CNTN4: variants seen among roughly 807,000 people sequenced by gnomAD.
The protein encoded by CNTN4 is contactin-4.
CNTN4 carries 77 observed loss-of-function variants against 122.5 expected under a neutral mutation model. The observed-to-expected ratio is 0.63, with a 90% CI of 0.52 to 0.76. CNTN4 has a LOEUF of 0.76. Among genes scored for constraint, CNTN4 ranks in the 30% least tolerant of loss-of-function variants. The probability of loss-of-function intolerance (pLI) is 0.00; values close to 1 mark genes in which losing one functional copy is unlikely to be tolerated. For synonymous variants in CNTN4, 512 were observed against 447.0 expected (o/e 1.15, Z -1.83); for missense variants, 1,256 against 1,259.1 (o/e 1.00, Z 0.04).
At chr3:2,268,918 G>T (rs1482483104) in intron 2 of CNTN4, among the ~76,000 whole-genome samples, 1 of 152,028 alleles carries the variant, frequency 6.6e-6, no homozygotes, top group Admixed American at 6.6e-5. Flanking sequence ...TATATGTGGG[G>T]AGAAGGAATT....
At chr3:3,041,562 G>C (rs1012110996) in intron 20 of CNTN4, among the ~76,000 whole-genome samples, 1 of 152,196 alleles carries the variant, frequency 6.6e-6, no homozygotes, top group Admixed American at 6.5e-5. Flanking sequence ...GCAAAGGAGA[G>C]GCTAGACTGA....
At chr3:2,542,108 T>C (rs1204395566) in intron 3 of CNTN4, among the ~76,000 whole-genome samples, 1 of 152,116 alleles carries the variant, frequency 6.6e-6, no homozygotes, top group Non-Finnish European at 1.5e-5. Flanking sequence ...GCCACCACAT[T>C]AGAGGCATCA....
At chr3:2,635,172 G>C (rs1174760505) in intron 4 of CNTN4, among the ~76,000 whole-genome samples, 1 of 152,004 alleles carries the variant, frequency 6.6e-6, no homozygotes, top group Non-Finnish European at 1.5e-5. Flanking sequence ...CACCACTCTG[G>C]ATAACTGTTA....
At chr3:2,170,908 G>T (rs1011567478) in intron 2 of CNTN4, among the ~76,000 whole-genome samples, 1 of 152,066 alleles carries the variant, frequency 6.6e-6, no homozygotes, top group East Asian at 1.9e-4. Flanking sequence ...TGAAAAAATG[G>T]TCTATTTTAA....
intron 3 of CNTN4, among the ~76,000 whole-genome samples, chr3:2,531,896 T>A (rs915905246): frequency 2.0e-5 from 3 of 152,198 alleles, no homozygotes; most frequent in Non-Finnish European, 4.4e-5. Context: ...CCTGTGGCAG[T>A]GTTCGCTCTA....
chr3:2,454,949 G>T (rs1028096442), intron 3 of CNTN4, among the ~76,000 whole-genome samples: 1 of 152,158 alleles, frequency 6.6e-6, no homozygotes, highest in African/African-American at 2.4e-5. Context: ...TGGAAGTAGA[G>T]CTAAAAGATA....
chr3:2,366,148 A>G (rs1393849860), intron 3 of CNTN4, among the ~76,000 whole-genome samples: 3 of 152,130 alleles, frequency 2.0e-5, no homozygotes, highest in African/African-American at 4.8e-5. Context: ...TACTTTCTCT[A>G]CTGGCAGCCT....
intron 4 of CNTN4, among the ~76,000 whole-genome samples, chr3:2,587,136 C>A (rs1339778992): frequency 6.6e-6 from 1 of 152,100 alleles, no homozygotes; most frequent in Non-Finnish European, 1.5e-5. Context: ...ATTCCATATA[C>A]ATTATCTTCT....
chr3:2,473,894 C>G (rs1291624503), intron 3 of CNTN4, among the ~76,000 whole-genome samples: 1 of 152,014 alleles, frequency 6.6e-6, no homozygotes, highest in Non-Finnish European at 1.5e-5. Flanking sequence ...TGCCTGTAAT[C>G]TCAGCTACTC....
intron 2 of CNTN4, among the ~76,000 whole-genome samples, chr3:2,188,737 G>C (rs2037389994): frequency 6.6e-6 from 1 of 152,168 alleles, no homozygotes; most frequent in Non-Finnish European, 1.5e-5. Flanking sequence ...TGGGCCTTGG[G>C]GTGGGAAACA....
chr3:2,497,578 T>C (rs953359125), intron 3 of CNTN4, among the ~76,000 whole-genome samples: 4 of 152,178 alleles, frequency 2.6e-5, no homozygotes, highest in Non-Finnish European at 5.9e-5. Flanking sequence ...GAGTTAAGTC[T>C]CATAAGATCC....
intron 8 of CNTN4, among the ~76,000 whole-genome samples, chr3:2,868,679 G>A (rs1057047209): frequency 2.6e-5 from 4 of 152,098 alleles, no homozygotes; most frequent in African/African-American, 9.7e-5. Context: ...CATTTATTTA[G>A]AACTTCCTGT....
At chr3:2,271,907 A>G (rs951001058) in intron 2 of CNTN4, among the ~76,000 whole-genome samples, 3 of 152,184 alleles carry the variant, frequency 2.0e-5, no homozygotes, top group African/African-American at 7.2e-5. Flanking sequence ...GGACCAAGAC[A>G]TTATGCAATG....
chr3:2,283,150 A>C (rs571646926), intron 2 of CNTN4, among the ~76,000 whole-genome samples: 16 of 152,256 alleles, frequency 1.1e-4, no homozygotes, highest in African/African-American at 2.9e-4. Flanking sequence ...CATTACGTGA[A>C]TTTTATCTCT....
chr3:2,774,636 T>C (rs2091242681), intron 6 of CNTN4, among the ~76,000 whole-genome samples: 1 of 152,168 alleles, frequency 6.6e-6, no homozygotes, highest in Admixed American at 6.6e-5. Flanking sequence ...TGGAACTGCA[T>C]ACTAGACCTA....
chr3:2,284,311 T>A (rs2149923781), intron 2 of CNTN4, among the ~76,000 whole-genome samples: 1 of 152,224 alleles, frequency 6.6e-6, no homozygotes, highest in South Asian at 2.1e-4. Flanking sequence ...GCAAAACCAA[T>A]TAAATTATTT....
chr3:2,499,428 A>C (rs1300325073), intron 3 of CNTN4, among the ~76,000 whole-genome samples: 1 of 152,230 alleles, frequency 6.6e-6, no homozygotes, highest in Non-Finnish European at 1.5e-5. Flanking sequence ...CTCCATTAAC[A>C]TACTAAACAG....
At chr3:2,447,366 C>G (rs1428465041) in intron 3 of CNTN4, among the ~76,000 whole-genome samples, 2 of 152,056 alleles carry the variant, frequency 1.3e-5, no homozygotes, top group African/African-American at 4.8e-5. Context: ...GTAATAAAGA[C>G]TTAATAATTA....
intron 2 of CNTN4, among the ~76,000 whole-genome samples, chr3:2,210,782 G>A (rs1270855803): frequency 6.6e-6 from 1 of 152,002 alleles, no homozygotes; most frequent in Non-Finnish European, 1.5e-5. Flanking sequence ...TTTTGAATCT[G>A]CCCATTTCCT....
Sources: allele counts gnomAD v4.1 joint callset (sites outside exome capture counted in the v4.1 genomes callset), GRCh38; gene constraint gnomAD v4.1.1; transcripts MANE v1.5; gene names NCBI Gene and HGNC (gene_info 2026-07-23, HGNC 2026-07-21).